The following PCDHGA8 variants were observed in gnomAD, a reference collection of about 807,000 sequenced individuals.
PCDHGA8 encodes protocadherin gamma-A8.
PCDHGA8 carries 45 observed loss-of-function variants against 59.2 expected under a neutral mutation model. The observed-to-expected ratio is 0.76, with a 90% confidence interval of 0.60 to 0.98. PCDHGA8 has a LOEUF of 0.98. PCDHGA8 is among the 50% of genes least tolerant of loss of function. The pLI is 0.00. For missense variants in PCDHGA8, 1,257 were observed against 1,196.2 expected, an observed-to-expected ratio of 1.05 and a Z score of -0.75; for synonymous variants, 531 against 519.0, an observed-to-expected ratio of 1.02 and a Z score of -0.32.
At chr5:141,497,827 C>T (rs1390986916) in intron 2 of PCDHGA8, among the ~76,000 whole-genome samples, 3 of 152,188 alleles carry the variant, frequency 2.0e-5, no homozygotes, top group East Asian at 3.9e-4. Flanking sequence ...GGTGTGATCG[C>T]CCCCGGCCAC....
chr5:141,400,333 C>T (rs538201613), intron 1 of PCDHGA8: 2 of 1,614,032 alleles, frequency 1.2e-6, no homozygotes, highest in East Asian at 2.2e-5. Context: ...ACCTGTGGTT[C>T]CCCCCAACTA....
chr5:141,470,358 A>G (rs1263824284), intron 1 of PCDHGA8, among the ~76,000 whole-genome samples: 2 of 152,174 alleles, frequency 1.3e-5, no homozygotes, highest in African/African-American at 4.8e-5. Context: ...AAATAGACAC[A>G]TTAGGTTGAA....
chr5:141,393,007 G>T lies in PCDHGA8; in HGVS notation c.194G>T (p.Arg65Leu). The change falls in exon 1 of 4, where the codon CGT becomes CTT. Residue 65 changes from arginine to leucine, a missense_variant. Arg to Leu is a moderately radical substitution (Grantham distance 102). Transcript: ENST00000398604. ...CGGAAGCTGGCGAAGCACGGAGTCC[G>T]TATCGTCTCCAGAGGTAGGACGCAG... Reference protein sequence around the residue: ...DPRKLAKHGVRIVSRGRTQLF... With the variant: ...DPRKLAKHGVLIVSRGRTQLF... 6.2e-7 allele frequency: 1 copy of T among 1,613,850 alleles called. No homozygotes were observed. Among genetic ancestry groups the T allele is most frequent in the South Asian group, 1.1e-5 (1 of 91,066 alleles).
At chr5:141,411,189 T>C (rs1222862554) in intron 1 of PCDHGA8, 1 of 152,208 alleles carries the variant, frequency 6.6e-6, no homozygotes, top group Non-Finnish European at 1.5e-5. Context: ...TCTTGGCATC[T>C]AAGAAAACAA....
chr5:141,414,726 C>G (rs761022941), intron 1 of PCDHGA8: 5 of 1,614,196 alleles, frequency 3.1e-6, no homozygotes, highest in Non-Finnish European at 4.2e-6. Context: ...ACACTGGCGT[C>G]CTGTATGCAC....
chr5:141,438,368 G>A (rs1216571092), intron 1 of PCDHGA8, among the ~76,000 whole-genome samples: 2 of 151,558 alleles, frequency 1.3e-5, no homozygotes, highest in African/African-American at 4.8e-5. Context: ...GTCATTGAGG[G>A]CAGATATAAT....
rs374200575 is a variant in PCDHGA8 at position 141,432,105 on chromosome 5, C to G, written c.2424+36868C>G. On this transcript the variant is annotated intron_variant, in intron 1 of 3. Transcript: ENST00000398604. This position sits in a 1 kb window ranked among gnomAD's most constrained non-coding sequence, Gnocchi z 6.0. The stretch of plus-strand genomic sequence containing the variant: ...AACGTGGCAGACACCAACGACAACC[C>G]GCCGGTCTTCCCTCAGGCCTCCTAT... 1.2e-6 allele frequency: 2 copies of G among 1,614,172 alleles called. No individual in the cohort carries two copies. Among genetic ancestry groups the G allele is most frequent in the Non-Finnish European group, 1.7e-6 (2 of 1,180,034 alleles).
At chr5:141,423,642 T>C (rs1293550754) in intron 1 of PCDHGA8, 2 of 1,596,770 alleles carry the variant, frequency 1.3e-6, no homozygotes, top group African/African-American at 2.7e-5. Flanking sequence ...TAGGCAAATG[T>C]GACCCGACAA....
At chr5:141,427,557 A>G (rs1437024906) in intron 1 of PCDHGA8, 1 of 650,060 alleles carries the variant, frequency 1.5e-6, no homozygotes, top group Non-Finnish European at 2.8e-6. Flanking sequence ...TGCCACTGAC[A>G]AGGGCAAGCC....
rs1356654620 is a variant in PCDHGA8 at position 141,490,430 on chromosome 5, TTAA to T, written c.2425-4376_2425-4374del. On this transcript the variant is annotated intron_variant, in intron 1 of 3. Coordinates refer to ENST00000398604, the MANE Select transcript of PCDHGA8 (RefSeq NM_032088.2). The surrounding 1 kb of genome is among the most constrained non-coding windows in gnomAD (Gnocchi z 5.4). ...ATCTCTCCGGACCTGCCATTTCAGA[TTAA>T]GCCTTCTGAGAACCACTACTCGCTG... 1 of 1,614,162 alleles carries T rather than the reference TTAA, an allele frequency of 6.2e-7. No individual in the cohort carries two copies.
At chr5:141,419,316 G>T in intron 1 of PCDHGA8, 2 of 1,613,994 alleles carry the variant, frequency 1.2e-6, no homozygotes, top group Non-Finnish European at 1.7e-6. Context: ...CTCAACGGCC[G>T]TGTCTCCTAC....
rs71576115 is a variant in PCDHGA8, at chr5:141,463,438, CTTTT to C, written c.2425-31344_2425-31341del. Among the ~76,000 whole-genome samples, 12 of 103,242 alleles carry C rather than the reference CTTTT, an allele frequency of 1.2e-4. No homozygotes were observed. In the South Asian group the frequency reaches 1.6e-3, roughly 14 times the overall value. 67.7% of individuals were successfully genotyped at this position (103,242 alleles called of 152,430 possible). ...GTTTGCGGATCCTCATTTCCTTCTCCTTTTTTTTTTTTTTTTTTTTTTTTTTTTG... is the reference window on the plus strand; with the variant it reads ...GTTTGCGGATCCTCATTTCCTTCTCCTTTTTTTTTTTTTTTTTTTTTTTTG... On this transcript the variant is annotated intron_variant, in intron 1 of 3. Coordinates refer to ENST00000398604, the MANE Select transcript of PCDHGA8 (RefSeq NM_032088.2).
At chr5:141,433,732 G>A (rs1181042854) in intron 1 of PCDHGA8, among the ~76,000 whole-genome samples, 2 of 151,886 alleles carry the variant, frequency 1.3e-5, no homozygotes, top group Non-Finnish European at 2.9e-5. Flanking sequence ...AGCTACTTGG[G>A]AGGCTGAGTC....
At chr5:141,420,291 G>A in intron 1 of PCDHGA8, 1 of 1,494,346 alleles carries the variant, frequency 6.7e-7, no homozygotes, top group Non-Finnish European at 9.0e-7. Context: ...ATTTAAAAAT[G>A]TATTTAATCC....
At chr5:141,510,028 C>A (rs962629835) in intron 3 of PCDHGA8, among the ~76,000 whole-genome samples, 1 of 152,164 alleles carries the variant, frequency 6.6e-6, no homozygotes, top group Non-Finnish European at 1.5e-5. Context: ...GCTGGCTGGG[C>A]TGTTATGTAG....
rs139153105 is a variant in PCDHGA8 at position 141,432,400 on chromosome 5, G to T, written c.2424+37163G>T. 3.1e-6 allele frequency: 5 copies of T among 1,614,122 alleles called. No homozygotes were observed. In the African/African-American group the frequency reaches 4.0e-5, roughly 13 times the overall value. ...ACCCGCCCCTCAGCAGCAACGTGTC[G>T]TTGAGCCTGTTCGTGCTGGACCAGA... On this transcript the variant is annotated intron_variant, in intron 1 of 3. Transcript: ENST00000398604. The surrounding 1 kb of genome is among the most constrained non-coding windows in gnomAD (Gnocchi z 6.0).
chr5:141,424,026 C>G, intron 1 of PCDHGA8: 1 of 1,041,918 alleles, frequency 9.6e-7, no homozygotes, highest in Non-Finnish European at 1.2e-6. Context: ...TTCACAAACA[C>G]TTTTTATTTC....
Position 141,476,667 on chromosome 5 carries a change from T to C in PCDHGA8, c.2425-18140T>C. 6.2e-7 allele frequency: 1 copy of C among 1,614,234 alleles called. No individual in the cohort carries two copies. Among genetic ancestry groups the C allele is most frequent in the Non-Finnish European group, 8.5e-7 (1 of 1,180,042 alleles). ...CGAAATGAATACTTTGCGCTTCGCG[T>C]GCAGACGCGGGAGGACAGCACCAAG... On this transcript the variant is annotated intron_variant, in intron 1 of 3. Transcript: ENST00000398604. The surrounding 1 kb of genome is among the most constrained non-coding windows in gnomAD (Gnocchi z 7.6).
At chr5:141,495,613 G>A (rs1230710705) in intron 2 of PCDHGA8, among the ~76,000 whole-genome samples, 2 of 152,068 alleles carry the variant, frequency 1.3e-5, no homozygotes, top group Non-Finnish European at 2.9e-5. Flanking sequence ...CTTGATTGCT[G>A]CACCTCAGCC....
Sources: allele counts gnomAD v4.1 joint callset (sites outside exome capture counted in the v4.1 genomes callset), GRCh38; gene constraint gnomAD v4.1.1; non-coding constraint Gnocchi (gnomAD v3.1); transcripts MANE v1.5; gene names NCBI Gene and HGNC (gene_info 2026-07-23, HGNC 2026-07-21).